Variants in HIVEP3 observed in about 807,000 individuals in gnomAD.
HIVEP3 encodes HIVEP zinc finger 3, also known as transcription factor HIVEP3.
A neutral mutation model predicts 152.8 loss-of-function variants in HIVEP3; 49 were observed. That is an observed-to-expected ratio of 0.32 (90% confidence interval 0.26 to 0.41). The LOEUF is 0.41. Among genes scored for constraint, HIVEP3 ranks in the 10% least tolerant of loss-of-function variants. The pLI, the probability that HIVEP3 is intolerant of heterozygous loss-of-function variation, is 1.00. For synonymous variants in HIVEP3, 1,269 were observed against 1,289.0 expected (o/e 0.98, Z 0.33); for missense variants, 2,790 against 3,103.3 (o/e 0.90, Z 2.40).
chr1:41,708,225 T>C (rs1293469511), intron 1 of HIVEP3, among the ~76,000 whole-genome samples: 1 of 152,188 alleles, frequency 6.6e-6, no homozygotes, highest in Non-Finnish European at 1.5e-5. Flanking sequence ...GCAGTTGAGA[T>C]TGTACATCGT....
rs764973208 is a variant in HIVEP3, at chr1:41,584,399, G to A, written c.399C>T (p.Phe133=). 18 of 1,613,920 alleles carry A rather than the reference G, an allele frequency of 1.1e-5. No individual in the cohort carries two copies. Among genetic ancestry groups the A allele is most frequent in the East Asian group, 6.7e-5 (3 of 44,886 alleles). The change falls in exon 4 of 9, where the codon TTC becomes TTT. Residue 133 remains phenylalanine (F), a synonymous_variant. Coordinates refer to ENST00000372583, the MANE Select transcript of HIVEP3 (RefSeq NM_024503.5). This position sits in a 1 kb window ranked among gnomAD's most constrained non-coding sequence, Gnocchi z 5.2. ...DPMRPGPSGS[F]VAPGLHPQSQ... is the part of the protein sequence containing the mutation. ...TCTGAGGATGGAGCCCAGGGGCCAC[G>A]AAGGAGCCAGAGGGTCCAGGTCTCA...
intron 5 of HIVEP3, among the ~76,000 whole-genome samples, chr1:41,529,417 TCA>T (rs563002009): frequency 7.2e-5 from 6 of 83,066 alleles, no homozygotes; most frequent in African/African-American, 9.9e-5. Context: ...CCCCACACCC[TCA>T]CACACACCCT....
Position 41,732,732 on chromosome 1 carries a change from G to A in HIVEP3, c.-800-31737C>T, listed in dbSNP as rs906215936. On this transcript the variant is annotated intron_variant, in intron 1 of 8. Coordinates refer to ENST00000372583, the MANE Select transcript of HIVEP3 (RefSeq NM_024503.5). ...CTCCCCATCATACAGCACCTGGACC[G>A]CGACGCTCTATCCCCGAGGACAAGG... 5.3e-5 allele frequency among the ~76,000 whole-genome samples: 8 copies of A among 152,148 alleles called. No homozygotes were observed. In the South Asian group the frequency reaches 8.3e-4, roughly 16 times the overall value.
At chr1:41,875,349 T>A (rs1644151739) in intron 1 of HIVEP3, among the ~76,000 whole-genome samples, 1 of 152,290 alleles carries the variant, frequency 6.6e-6, no homozygotes, top group East Asian at 1.9e-4. Context: ...CAGCTCCCCA[T>A]CCATCCTGCT....
chr1:42,012,903 C>T (rs945446683), intron 1 of HIVEP3, among the ~76,000 whole-genome samples: 6 of 152,176 alleles, frequency 3.9e-5, no homozygotes, highest in African/African-American at 1.4e-4. Flanking sequence ...TTTGTTATAG[C>T]AGCCTGAACA....
intron 2 of HIVEP3, among the ~76,000 whole-genome samples, chr1:41,673,416 C>T (rs533988878): frequency 6.6e-6 from 1 of 152,318 alleles, no homozygotes; most frequent in South Asian, 2.1e-4. Context: ...CACTCAGTTT[C>T]CCCAGCAGCC....
chr1:41,642,739 CGTCGACAGGGAAAGCTA>C (rs1645394183), intron 2 of HIVEP3, among the ~76,000 whole-genome samples: 1 of 152,186 alleles, frequency 6.6e-6, no homozygotes, highest in Admixed American at 6.5e-5. Flanking sequence ...TTACTAACCC[CGTCGACAGGGAAAGCTA>C]TTTGGGTGTG....
At position 42,026,079 on chromosome 1, in the gene HIVEP3, A is replaced by G. The variant is rs570887701; in HGVS notation, n.119+9728T>C. Among the ~76,000 whole-genome samples the G allele has an allele frequency of 8.5e-5, 13 of 152,136 alleles. No individual in the cohort carries two copies. In the East Asian group the frequency reaches 2.5e-3, roughly 29 times the overall value. ...GCAAGACCCTGTCTCAAAAGAGAAA[A>G]AAAAAAAAATCTGCGAAAAGGCTTG... On this transcript the variant is annotated intron_variant and non_coding_transcript_variant, in intron 1 of 3. Transcript: ENST00000489103.
At chr1:41,808,145 A>G (rs376322913) in intron 1 of HIVEP3, among the ~76,000 whole-genome samples, 1 of 152,182 alleles carries the variant, frequency 6.6e-6, no homozygotes, top group African/African-American at 2.4e-5. Context: ...TACTACCCCC[A>G]TTTGGTAGAG....
chr1:41,583,327 G>A lies in HIVEP3; in HGVS notation c.1471C>T (p.Leu491=), dbSNP rs1479102312. ...GACTCCATGCTGCTGCGCCTGGACAGTGAGCTCCGCCTTGGCTTCACGCTG... is the reference window on the plus strand; with the variant it reads ...GACTCCATGCTGCTGCGCCTGGACAATGAGCTCCGCCTTGGCTTCACGCTG... ...IDSVKPRRSS[L]SRRSSMESPK... is the part of the protein sequence containing the mutation. Residue 491 remains leucine (L), a synonymous_variant, in exon 4 of 9, where the codon CTG becomes TTG. Coordinates refer to ENST00000372583, the MANE Select transcript of HIVEP3 (RefSeq NM_024503.5). This position sits in a 1 kb window ranked among gnomAD's most constrained non-coding sequence, Gnocchi z 6.9. 3 of 1,611,124 alleles carry A rather than the reference G, an allele frequency of 1.9e-6. No homozygotes were observed. The highest frequency in any genetic ancestry group is 2.2e-5 in the South Asian group (2 of 90,432).
chr1:41,878,040 A>G (rs181879356), intron 1 of HIVEP3, among the ~76,000 whole-genome samples: 21 of 152,376 alleles, frequency 1.4e-4, no homozygotes, highest in African/African-American at 4.8e-4. Context: ...CTATTCCTGC[A>G]TATGAGATTT....
intron 5 of HIVEP3, among the ~76,000 whole-genome samples, chr1:41,526,829 CCT>C (rs1359499748): frequency 7.3e-6 from 1 of 136,548 alleles, no homozygotes; most frequent in Non-Finnish European, 1.6e-5. Context: ...CCCCACACTC[CCT>C]CACACCCGTT....
At chr1:41,606,575 A>G (rs1451174990) in intron 3 of HIVEP3, among the ~76,000 whole-genome samples, 1 of 151,964 alleles carries the variant, frequency 6.6e-6, no homozygotes, top group Non-Finnish European at 1.5e-5. Context: ...ACAAGAAGAA[A>G]AATGGATAGC....
intron 1 of HIVEP3, among the ~76,000 whole-genome samples, chr1:41,792,960 T>A (rs987741449): frequency 1.3e-5 from 2 of 152,152 alleles, no homozygotes; most frequent in African/African-American, 4.8e-5. Context: ...GAGAGGAGAA[T>A]GTTCAGGGGA....
rs547972410 is a variant in HIVEP3 at position 41,656,205 on chromosome 1, G to C, written c.-720-27258C>G. On this transcript the variant is annotated intron_variant, in intron 2 of 8. Coordinates refer to ENST00000372583, the MANE Select transcript of HIVEP3 (RefSeq NM_024503.5). ...AACAGAGTCCAGGCTAGAAAAAGCT[G>C]GTAAAATCCCCACAGCCCCACACGC... 2.0e-5 allele frequency among the ~76,000 whole-genome samples: 3 copies of C among 152,232 alleles called. No individual in the cohort carries two copies. In the East Asian group the frequency reaches 5.8e-4, roughly 29 times the overall value.
At chr1:41,642,582 T>C (rs898294223) in intron 2 of HIVEP3, among the ~76,000 whole-genome samples, 6 of 152,204 alleles carry the variant, frequency 3.9e-5, no homozygotes, top group Non-Finnish European at 8.8e-5. Context: ...GGGTGCAATA[T>C]AATACATACA....
intron 1 of HIVEP3, among the ~76,000 whole-genome samples, chr1:41,827,477 T>C (rs983269843): frequency 6.6e-6 from 1 of 151,790 alleles, no homozygotes; most frequent in Non-Finnish European, 1.5e-5. Context: ...CAAGGTATCA[T>C]AGAGGTTCCA....
intron 2 of HIVEP3, among the ~76,000 whole-genome samples, chr1:41,699,697 C>T (rs150393870): frequency 7.7e-4 from 117 of 152,204 alleles, no homozygotes; most frequent in Middle Eastern, 3.4e-3. Context: ...CTGTGAGAGC[C>T]GAGGCCACAG....
intron 1 of HIVEP3, among the ~76,000 whole-genome samples, chr1:41,925,667 C>T (rs374949706): frequency 1.3e-5 from 2 of 152,304 alleles, no homozygotes; most frequent in East Asian, 3.9e-4. Flanking sequence ...TCAGCAAAAG[C>T]TTGCCAACTC....
Sources: gnomAD v4.1 joint callset for allele counts (sites outside exome capture counted in the v4.1 genomes callset) on GRCh38, gnomAD v4.1.1 for gene constraint, Gnocchi (gnomAD v3.1) non-coding constraint, MANE v1.5 for transcripts, NCBI Gene and HGNC (gene_info 2026-07-23, HGNC 2026-07-21) for gene names.